The following TMEM63C variants were observed in gnomAD, a reference collection of about 807,000 sequenced individuals.
TMEM63C encodes the protein osmosensitive cation channel TMEM63C.
A neutral mutation model predicts 99.2 loss-of-function variants in TMEM63C; 32 were observed. The ratio of observed to expected loss-of-function variants is 0.32; its 90% CI spans 0.24 to 0.43. The LOEUF is 0.43. Among genes scored for constraint, TMEM63C ranks in the 20% least tolerant of loss-of-function variants. The probability of loss-of-function intolerance (pLI) is 1.00; values close to 1 mark genes in which losing one functional copy is unlikely to be tolerated. For missense variants in TMEM63C, 826 were observed against 1,053.0 expected, an observed-to-expected ratio of 0.78 and a Z score of 2.98; for synonymous variants, 376 against 397.9, an observed-to-expected ratio of 0.94 and a Z score of 0.66.
At chr14:77,227,357 G>A (rs1481111809) in intron 6 of TMEM63C, among the ~76,000 whole-genome samples, 1 of 152,126 alleles carries the variant, frequency 6.6e-6, no homozygotes, top group African/African-American at 2.4e-5. Flanking sequence ...GTAGGTTGTG[G>A]CCTAGTTAAG....
intron 1 of TMEM63C, among the ~76,000 whole-genome samples, chr14:77,200,365 G>A (rs553799254): frequency 5.9e-5 from 9 of 152,250 alleles, no homozygotes; most frequent in Non-Finnish European, 1.2e-4. Context: ...TCAGCCCCTC[G>A]GCACAGCCTC....
intron 7 of TMEM63C, 90 bp downstream of exon 7, chr14:77,231,820 A>G (rs1001240195): frequency 7.2e-7 from 1 of 1,381,022 alleles, no homozygotes; most frequent in African/African-American, 1.4e-5. Flanking sequence ...GGGTCTAGAC[A>G]TCTATTTTAA....
At chr14:77,205,335 G>A (rs1313627344) in intron 1 of TMEM63C, among the ~76,000 whole-genome samples, 2 of 152,190 alleles carry the variant, frequency 1.3e-5, no homozygotes, top group Admixed American at 1.3e-4. Context: ...TGCAGATTGG[G>A]TTCGGTTCAT....
At chr14:77,254,251 C>T (rs1429550791) in intron 23 of TMEM63C, among the ~76,000 whole-genome samples, 4 of 152,084 alleles carry the variant, frequency 2.6e-5, no homozygotes, top group African/African-American at 9.7e-5. Flanking sequence ...GCGGAGTGGG[C>T]GGCAGGGCCC....
intron 14 of TMEM63C, 22 bp downstream of exon 14, chr14:77,242,491 C>T (rs1256877398): frequency 1.5e-5 from 24 of 1,611,728 alleles, no homozygotes; most frequent in South Asian, 2.2e-5. Flanking sequence ...CCATCCCTCC[C>T]CTCTCCTCTG....
rs1889312306 is a variant in TMEM63C, at chr14:77,248,965, T to C, written c.1870+93T>C. 2.4e-6 allele frequency: 3 copies of C among 1,233,412 alleles called. No individual in the cohort carries two copies. In the Admixed American group the frequency reaches 5.1e-5, roughly 21 times the overall value. 76.4% of individuals were successfully genotyped at this position (1,233,412 alleles called of 1,614,324 possible). Reference sequence around the variant, plus strand: ...CAACATCAGTCCACCTCCTGGAGCATGGGGAGACCTGTGGTAGGGAGGGGT... The same window carrying C: ...CAACATCAGTCCACCTCCTGGAGCACGGGGAGACCTGTGGTAGGGAGGGGT... On this transcript the variant is annotated intron_variant, in intron 20 of 23. Coordinates refer to ENST00000298351, the MANE Select transcript of TMEM63C (RefSeq NM_020431.4).
intron 5 of TMEM63C, among the ~76,000 whole-genome samples, chr14:77,222,538 G>A (rs10400715): frequency 0.21 from 31,375 of 152,056 alleles, 3,778 homozygotes; most frequent in East Asian, 0.45. Flanking sequence ...GTCTTCCTAG[G>A]GCCTGTGGAA....
intron 7 of TMEM63C, 114 bp from the exon 8 acceptor site, chr14:77,233,338 G>C (rs1255575947): frequency 3.8e-6 from 4 of 1,041,056 alleles, no homozygotes. Context: ...GAAGGAAGAG[G>C]AGGTCAAAGG....
intron 5 of TMEM63C, among the ~76,000 whole-genome samples, chr14:77,221,879 G>A (rs753147289): frequency 7.9e-5 from 12 of 151,724 alleles, no homozygotes; most frequent in Non-Finnish European, 1.6e-4. Flanking sequence ...GGTGCTCTCC[G>A]TTGCATAGGT....
rs1047314092 is a variant in TMEM63C at position 77,248,625 on chromosome 14, G to A, written c.1764+116G>A. ...GGTGGGAGGGACGGTGTGGATGGGT[G>A]TTGGTGGGGCACCTTGGTCTACAGG... is the stretch of plus-strand genomic sequence containing the variant. On this transcript the variant is annotated intron_variant, in intron 19 of 23. Transcript: ENST00000298351. The A allele has an allele frequency of 3.7e-5, 56 of 1,499,510 alleles. No homozygotes were observed. In the African/African-American group the frequency reaches 5.9e-4, roughly 16 times the overall value. 92.9% of individuals were successfully genotyped at this position (1,499,510 alleles called of 1,614,324 possible).
chr14:77,218,580 G>A lies in TMEM63C; in HGVS notation c.-13-221G>A, dbSNP rs186514400. On this transcript the variant is annotated intron_variant, in intron 2 of 23. Coordinates refer to ENST00000298351, the MANE Select transcript of TMEM63C (RefSeq NM_020431.4). ...CAAAATAAGAACTCTCCCAGGAAAC[G>A]AGAACCAGTCTGTCATCCCGGCCTT... 5.8e-3 allele frequency among the ~76,000 whole-genome samples: 887 copies of A among 152,300 alleles called. 5 individuals carry two copies. Among genetic ancestry groups the A allele is most frequent in the Non-Finnish European group, 9.6e-3 (656 of 68,016 alleles).
At chr14:77,194,588 T>C (rs1307243504) in intron 1 of TMEM63C, among the ~76,000 whole-genome samples, 1 of 151,408 alleles carries the variant, frequency 6.6e-6, no homozygotes, top group Non-Finnish European at 1.5e-5. Context: ...TCTTCCTTTT[T>C]TTGGAGACAG....
intron 5 of TMEM63C, 62 bp from the exon 6 acceptor site, chr14:77,225,362 C>A: frequency 6.4e-7 from 1 of 1,558,046 alleles, no homozygotes; most frequent in South Asian, 1.2e-5. Context: ...CCTGGGTTCC[C>A]AGAGCTGGGC....
chr14:77,253,299 C>A lies in TMEM63C; in HGVS notation c.2149-6C>A. 1 of 1,612,362 alleles carries A rather than the reference C, an allele frequency of 6.2e-7. No individual in the cohort carries two copies. Among genetic ancestry groups the A allele is most frequent in the Non-Finnish European group, 8.5e-7 (1 of 1,179,400 alleles). ...TCCTGTAACCCACCACCTCTCCCTGCTGCAGCCCGAGGAGGAGGAGATCCA... is the reference window on the plus strand; with the variant it reads ...TCCTGTAACCCACCACCTCTCCCTGATGCAGCCCGAGGAGGAGGAGATCCA... On this transcript the variant is annotated splice_region_variant and splice_polypyrimidine_tract_variant and intron_variant, in intron 22 of 23. Transcript: ENST00000298351.
chr14:77,211,444 A>G (rs111653544), intron 1 of TMEM63C, among the ~76,000 whole-genome samples: 1 of 152,236 alleles, frequency 6.6e-6, no homozygotes, highest in Non-Finnish European at 1.5e-5. Flanking sequence ...TATTTAGCTC[A>G]TATTACTTGC....
In TMEM63C at chr14:77,230,536, A is replaced by G. The variant is rs189366362; in HGVS notation, c.351-1052A>G. Among the ~76,000 whole-genome samples, 533 of 152,312 alleles carry G rather than the reference A, an allele frequency of 3.5e-3. 6 individuals carry two copies. Among genetic ancestry groups the G allele is most frequent in the Non-Finnish European group, 3.1e-3 (208 of 68,030 alleles). ...CCTGTTAGGAACCTGGCCCCGCAGC[A>G]GGAGGTGAGCGAGCATTACACCTGA... On this transcript the variant is annotated intron_variant, in intron 6 of 23. Transcript: ENST00000298351.
intron 18 of TMEM63C, among the ~76,000 whole-genome samples, chr14:77,247,053 T>A (rs1310383398): frequency 6.6e-6 from 1 of 152,250 alleles, no homozygotes; most frequent in Non-Finnish European, 1.5e-5. Context: ...TTATTCTGAT[T>A]CTGCCAGTTT....
intron 15 of TMEM63C, 38 bp downstream of exon 15, chr14:77,243,094 G>A: frequency 1.2e-6 from 2 of 1,608,886 alleles, no homozygotes; most frequent in Non-Finnish European, 8.5e-7. Context: ...GGGACCCCAG[G>A]GAGATCAAGG....
intron 1 of TMEM63C, among the ~76,000 whole-genome samples, chr14:77,198,006 G>T (rs1566617070): frequency 2.0e-5 from 3 of 152,338 alleles, no homozygotes; most frequent in East Asian, 1.9e-4. Flanking sequence ...GGCTAGGGTT[G>T]GTTTCCCTTG....
Sources: allele counts gnomAD v4.1 joint callset (sites outside exome capture counted in the v4.1 genomes callset), GRCh38; gene constraint gnomAD v4.1.1; transcripts MANE v1.5; gene names NCBI Gene and HGNC (gene_info 2026-07-23, HGNC 2026-07-21).